CCDC149: variants seen among roughly 807,000 people sequenced by gnomAD.
CCDC149 encodes coiled-coil domain-containing protein 149.
A neutral mutation model predicts 59.9 loss-of-function variants in CCDC149; 45 were observed. The ratio of observed to expected loss-of-function variants is 0.75; its 90% CI spans 0.59 to 0.96. The LOEUF is 0.96. Ranked by LOEUF, CCDC149 falls within the 40% of genes least tolerant of loss-of-function variation. The pLI, the probability that CCDC149 is intolerant of heterozygous loss-of-function variation, is 0.00. For synonymous variants in CCDC149, 245 were observed against 260.6 expected (o/e 0.94, Z 0.58); for missense variants, 584 against 664.7 (o/e 0.88, Z 1.33).
At chr4:24,852,284 C>CCA (rs1320397543) in intron 4 of CCDC149, among the ~76,000 whole-genome samples, 145 of 109,362 alleles carry the variant, frequency 1.3e-3, no homozygotes, top group Non-Finnish European at 1.9e-3. Context: ...CTCCAACACA[C>CCA]CATACACACA....
At chr4:24,961,101 C>T (rs1186094023) in intron 1 of CCDC149, among the ~76,000 whole-genome samples, 1 of 152,150 alleles carries the variant, frequency 6.6e-6, no homozygotes, top group Non-Finnish European at 1.5e-5. Flanking sequence ...CCAAACTAGA[C>T]CGTATTTTGG....
chr4:24,852,033 TAGATG>T (rs1231747993), intron 4 of CCDC149, among the ~76,000 whole-genome samples: 1 of 151,748 alleles, frequency 6.6e-6, no homozygotes, highest in East Asian at 1.9e-4. Context: ...GAAGGCTTAC[TAGATG>T]TTTATATGCC....
intron 11 of CCDC149, 52 bp from the exon 12 acceptor site, chr4:24,820,027 T>C: frequency 3.0e-6 from 4 of 1,349,050 alleles, no homozygotes; most frequent in South Asian, 2.7e-5. Context: ...TGGAGTTGGG[T>C]TGCATTTAGT....
In CCDC149 at chr4:24,822,569, G is replaced by A; in HGVS notation, c.970C>T (p.Leu324=). 6.5e-7 allele frequency: 1 copy of A among 1,532,108 alleles called. No individual in the cohort carries two copies. The highest frequency in any genetic ancestry group is 8.8e-7 in the Non-Finnish European group (1 of 1,138,900). The allele number at this position is 1,532,108 out of a possible 1,614,324, so 94.9% of individuals were successfully genotyped here. A position where few individuals can be genotyped will look rare whatever the true frequency, so the allele number is the denominator to read the frequency against. ...TCCAGCTCAGCCACCCGATTCCCTAGGATTCTGAAAAAAGGGGAGAAAATG... is the reference window on the plus strand; with the variant it reads ...TCCAGCTCAGCCACCCGATTCCCTAAGATTCTGAAAAAAGGGGAGAAAATG... Residue 324 remains leucine (L), a synonymous_variant, in exon 10 of 13, where the codon CTA becomes TTA. Transcript: ENST00000635206.
At chr4:24,836,322 C>A in intron 7 of CCDC149, 114 bp downstream of exon 7, 1 of 739,184 alleles carries the variant, frequency 1.4e-6, no homozygotes, top group Non-Finnish European at 2.4e-6. Flanking sequence ...TAGACTCTAT[C>A]TGGGAGGGCA....
upstream of CCDC149, among the ~76,000 whole-genome samples, chr4:24,914,385 G>GAAAAAA (rs201825269): frequency 8.3e-6 from 1 of 120,186 alleles, no homozygotes. Context: ...TGTGTTACCA[G>GAAAAAA]AAAAAAAAAA....
chr4:24,877,707 C>T (rs1264546792), intron 1 of CCDC149, among the ~76,000 whole-genome samples: 1 of 152,136 alleles, frequency 6.6e-6, no homozygotes, highest in Non-Finnish European at 1.5e-5. Context: ...ATTTTAGCCA[C>T]ATTTTGAATT....
intron 1 of CCDC149, among the ~76,000 whole-genome samples, chr4:24,900,786 C>A (rs908678299): frequency 6.6e-6 from 1 of 152,194 alleles, no homozygotes; most frequent in African/African-American, 2.4e-5. Flanking sequence ...GGGGTTCCAC[C>A]CCACCTTAAA....
chr4:24,977,145 A>G (rs1215456996), intron 1 of CCDC149, among the ~76,000 whole-genome samples: 1 of 152,164 alleles, frequency 6.6e-6, no homozygotes, highest in African/African-American at 2.4e-5. Flanking sequence ...TGGGGTGGAC[A>G]TGGGACTTAG....
rs73103298 is a variant in CCDC149, at chr4:24,938,705, G to A, written c.-65+41364C>T. Among the ~76,000 whole-genome samples the A allele has an allele frequency of 1.5e-4, 23 of 152,244 alleles. 1 individual carries two copies. The highest frequency in any genetic ancestry group is 5.1e-4 in the African/African-American group (21 of 41,532). ...TGGGTCACTCCCACCCTAACACTAC[G>A]CTCTTCCAACAGGCTTAACAAATGG... On this transcript the variant is annotated intron_variant, in intron 1 of 12. Transcript: ENST00000389609.
intron 3 of CCDC149, 200 bp from the exon 4 acceptor site, chr4:24,853,379 A>C: frequency 1.8e-6 from 1 of 560,228 alleles, no homozygotes; most frequent in Non-Finnish European, 3.1e-6. Context: ...TTGGCCATGA[A>C]CCTCAATTTG....
intron 1 of CCDC149, among the ~76,000 whole-genome samples, chr4:24,889,739 A>G (rs1344597811): frequency 6.6e-6 from 1 of 152,236 alleles, no homozygotes; most frequent in Non-Finnish European, 1.5e-5. Context: ...GCTGTGTAGC[A>G]GTAAGAAGTC....
At chr4:24,952,910 T>C (rs1243507276) in intron 1 of CCDC149, among the ~76,000 whole-genome samples, 2 of 151,858 alleles carry the variant, frequency 1.3e-5, no homozygotes, top group Non-Finnish European at 2.9e-5. Context: ...AGACACCTCA[T>C]GTAAGTGGAA....
At chr4:24,973,001 C>T (rs1724025578) in intron 1 of CCDC149, among the ~76,000 whole-genome samples, 1 of 152,198 alleles carries the variant, frequency 6.6e-6, no homozygotes, top group Admixed American at 6.5e-5. Context: ...ATCTATGTAA[C>T]AAGAACCTTG....
rs934270350 is a variant in CCDC149 at position 24,949,230 on chromosome 4, G to C, written c.-65+30839C>G. ...CTTCTCAAGACCCCACAGAAATGTGGCATCTCTTTCCTGCTGGGACAGATG... is the reference window on the plus strand; with the variant it reads ...CTTCTCAAGACCCCACAGAAATGTGCCATCTCTTTCCTGCTGGGACAGATG... On this transcript the variant is annotated intron_variant, in intron 1 of 12. Transcript: ENST00000389609. Among the ~76,000 whole-genome samples, 5 of 152,240 alleles carry C rather than the reference G, an allele frequency of 3.3e-5. No individual in the cohort carries two copies. The East Asian group carries it at 9.7e-4, about 29-fold the overall frequency.
intron 3 of CCDC149, among the ~76,000 whole-genome samples, chr4:24,856,244 A>G (rs1399390460): frequency 6.6e-6 from 1 of 152,204 alleles, no homozygotes; most frequent in Non-Finnish European, 1.5e-5. Context: ...ACAAATATTT[A>G]TTGGGCACCT....
intron 1 of CCDC149, among the ~76,000 whole-genome samples, chr4:24,957,472 C>A (rs186700662): frequency 6.6e-6 from 1 of 152,322 alleles, no homozygotes; most frequent in East Asian, 1.9e-4. Flanking sequence ...CTAAAAGGGA[C>A]CACCACCATA....
intron 1 of CCDC149, among the ~76,000 whole-genome samples, chr4:24,911,164 A>G (rs1024176054): frequency 2.0e-5 from 3 of 152,214 alleles, no homozygotes; most frequent in African/African-American, 7.2e-5. Flanking sequence ...GAACCAAACA[A>G]AGCACACGGC....
At chr4:24,975,843 T>C (rs796491407) in intron 1 of CCDC149, among the ~76,000 whole-genome samples, 2 of 149,714 alleles carry the variant, frequency 1.3e-5, no homozygotes, top group African/African-American at 4.9e-5. Context: ...TAGAAATGAG[T>C]TTTTTTTTCT....
Sources: allele counts gnomAD v4.1 joint callset (sites outside exome capture counted in the v4.1 genomes callset), GRCh38; gene constraint gnomAD v4.1.1; transcripts MANE v1.5; gene names NCBI Gene and HGNC (gene_info 2026-07-23, HGNC 2026-07-21).